TOMM34: variants seen among roughly 807,000 people sequenced by gnomAD.
TOMM34 encodes mitochondrial import receptor subunit TOM34.
A neutral mutation model predicts 37.4 loss-of-function variants in TOMM34; 24 were observed. The observed-to-expected ratio is 0.64, with a 90% CI of 0.46 to 0.90. The LOEUF is 0.90. TOMM34 is among the 40% of genes least tolerant of loss of function. The pLI, the probability that TOMM34 is intolerant of heterozygous loss-of-function variation, is 0.00. For synonymous variants in TOMM34, 154 were observed against 148.9 expected, an observed-to-expected ratio of 1.03 and a Z score of -0.25; for missense variants, 304 against 375.6, an observed-to-expected ratio of 0.81 and a Z score of 1.58.
chr20:44,959,666 G>A (rs2145611703), intron 1 of TOMM34, among the ~76,000 whole-genome samples: 1 of 152,106 alleles, frequency 6.6e-6, no homozygotes, highest in Admixed American at 6.5e-5. Context: ...AAAACCTTGT[G>A]CGCTTGGCTT....
intron 1 of TOMM34, chr20:44,959,155 C>G (rs548531525): frequency 6.6e-6 from 1 of 152,144 alleles, no homozygotes; most frequent in South Asian, 2.1e-4. Context: ...GAGATCGTGT[C>G]TAAAATGTCT....
At chr20:44,954,953 T>G in intron 3 of TOMM34, 115 bp downstream of exon 3, 3 of 1,332,884 alleles carry the variant, frequency 2.3e-6, no homozygotes, top group Admixed American at 2.5e-5. Flanking sequence ...CCATCGGGAG[T>G]TTTTTAAGTG....
intron 5 of TOMM34, among the ~76,000 whole-genome samples, chr20:44,946,449 TAAGCTTTGG>T (rs1347590849): frequency 6.6e-6 from 1 of 152,158 alleles, no homozygotes; most frequent in Non-Finnish European, 1.5e-5. Flanking sequence ...GAAAGGGAAA[TAAGCTTTGG>T]AGTCACAAAG....
At chr20:44,958,111 C>T (rs75302489) in intron 1 of TOMM34, among the ~76,000 whole-genome samples, 5 of 71,174 alleles carry the variant, frequency 7.0e-5, no homozygotes. Context: ...TATATGTATA[C>T]ATGTACATGT....
At chr20:44,948,961 C>T in intron 4 of TOMM34, 84 bp from the exon 5 acceptor site, 1 of 1,500,014 alleles carries the variant, frequency 6.7e-7, no homozygotes, top group African/African-American at 1.4e-5. Flanking sequence ...TCGTCCCTTC[C>T]AAACTGACTA....
At chr20:44,946,960 G>T (rs1426929126) in intron 5 of TOMM34, among the ~76,000 whole-genome samples, 3 of 152,282 alleles carry the variant, frequency 2.0e-5, no homozygotes, top group Middle Eastern at 3.4e-3. Flanking sequence ...ATGAAGAAAA[G>T]ACCAGCCCTA....
At position 44,943,225 on chromosome 20, in the gene TOMM34, A is replaced by G. The variant is rs577934986; in HGVS notation, c.826-12T>C. On this transcript the variant is annotated splice_polypyrimidine_tract_variant and intron_variant, in intron 6 of 6. Transcript: ENST00000372813. ...CTGGATTTATAGTCCTAATAGAAGA[A>G]AAGACAGGAGTGTGGGGGAAGGTTC... The G allele has an allele frequency of 2.7e-5, 43 of 1,613,958 alleles. 1 individual carries two copies. In the South Asian group the frequency reaches 4.0e-4, roughly 15 times the overall value.
intron 4 of TOMM34, among the ~76,000 whole-genome samples, chr20:44,950,103 T>A (rs1334667426): frequency 6.6e-6 from 1 of 152,188 alleles, no homozygotes; most frequent in Non-Finnish European, 1.5e-5. Context: ...TGTGGGTACA[T>A]CTCCCTGTGC....
chr20:44,951,884 T>C lies in TOMM34; in HGVS notation c.499A>G (p.Lys167Glu), dbSNP rs1289891035. 19 of 1,614,012 alleles carry C rather than the reference T, an allele frequency of 1.2e-5. No individual in the cohort carries two copies. Among genetic ancestry groups the C allele is most frequent in the Non-Finnish European group, 1.4e-5 (16 of 1,179,992 alleles). Residue 167 changes from lysine to glutamate, a missense_variant, in exon 4 of 7, where the codon AAA becomes GAA. Coordinates refer to ENST00000372813, the MANE Select transcript of TOMM34 (RefSeq NM_006809.5). ...TTGGATTTGCTTTTAGCCATCTCTT[T>C]GTGGTTCTCCGAAGGCAAGGAATTC... ...RWNSLPSENHKEMAKSKSKET... is the reference protein window; with the variant it reads ...RWNSLPSENHEEMAKSKSKET...
intron 5 of TOMM34, among the ~76,000 whole-genome samples, chr20:44,943,840 G>A (rs1426913575): frequency 1.3e-5 from 2 of 152,128 alleles, no homozygotes; most frequent in African/African-American, 4.8e-5. Flanking sequence ...GTTCGTTCAT[G>A]GGACTCCAGA....
chr20:44,952,033 T>A, intron 3 of TOMM34, 31 bp from the exon 4 acceptor site: 2 of 1,590,998 alleles, frequency 1.3e-6, no homozygotes, highest in Middle Eastern at 1.8e-4. Flanking sequence ...GCAGGGAGGT[T>A]TCCAGCTGGG....
chr20:44,954,048 TG>T (rs2067049311), intron 3 of TOMM34, among the ~76,000 whole-genome samples: 1 of 152,224 alleles, frequency 6.6e-6, no homozygotes, highest in African/African-American at 2.4e-5. Flanking sequence ...TCCTGTGATC[TG>T]TCACACTTGC....
intron 3 of TOMM34, among the ~76,000 whole-genome samples, chr20:44,954,285 G>C (rs1490219975): frequency 1.3e-5 from 2 of 152,100 alleles, no homozygotes; most frequent in Admixed American, 6.5e-5. Flanking sequence ...TTGAGACCGG[G>C]ACCTCTATGA....
In TOMM34 at chr20:44,943,057, A is replaced by T; in HGVS notation, c.*52T>A. On this transcript the variant is annotated 3_prime_UTR_variant, in exon 7 of 7. Transcript: ENST00000372813. Reference sequence around the variant, plus strand: ...GGAGCGGGCACAGAGCAGGTGGCCCATGGCTTCTCTGGGTAAGGTCAGGCA... The same window carrying T: ...GGAGCGGGCACAGAGCAGGTGGCCCTTGGCTTCTCTGGGTAAGGTCAGGCA... The T allele has an allele frequency of 1.1e-5, 17 of 1,590,500 alleles. No individual in the cohort carries two copies. Among genetic ancestry groups the T allele is most frequent in the Non-Finnish European group, 1.3e-5 (15 of 1,159,806 alleles).
rs1198347340 is a variant in TOMM34 at position 44,948,610 on chromosome 20, T to C, written c.698+120A>G. The C allele has an allele frequency of 7.0e-6, 9 of 1,278,762 alleles. No homozygotes were observed. In the African/African-American group the frequency reaches 7.4e-5, roughly 11 times the overall value. The allele number at this position is 1,278,762 out of a possible 1,614,324, so 79.2% of individuals were successfully genotyped here. ...ATGGCTAGCTCACAACGTGGATGCA[T>C]GTTTTCAGCCATAACATACTTGACT... is the stretch of plus-strand genomic sequence containing the variant. On this transcript the variant is annotated intron_variant, in intron 5 of 6. Transcript: ENST00000372813.
intron 5 of TOMM34, among the ~76,000 whole-genome samples, chr20:44,947,121 A>G (rs1393192987): frequency 6.6e-6 from 1 of 152,230 alleles, no homozygotes; most frequent in African/African-American, 2.4e-5. Flanking sequence ...AAGGTAAGCA[A>G]TGTGAAAGAG....
intron 4 of TOMM34, among the ~76,000 whole-genome samples, 161 bp from the exon 5 acceptor site, chr20:44,949,038 A>G (rs1376113011): frequency 6.6e-6 from 1 of 152,150 alleles, no homozygotes; most frequent in African/African-American, 2.4e-5. Flanking sequence ...GACTTCCCCC[A>G]ATTAATAGCT....
intron 5 of TOMM34, among the ~76,000 whole-genome samples, chr20:44,945,542 G>A (rs2066973275): frequency 6.6e-6 from 1 of 152,210 alleles, no homozygotes; most frequent in Non-Finnish European, 1.5e-5. Flanking sequence ...CTACTCTGAG[G>A]CCACCACGCT....
intron 3 of TOMM34, 142 bp from the exon 4 acceptor site, chr20:44,952,144 C>T: frequency 1.1e-6 from 1 of 906,362 alleles, no homozygotes; most frequent in Non-Finnish European, 1.6e-6. Flanking sequence ...CTCTTTAGCT[C>T]CTCCAACACG....
Sources: allele counts gnomAD v4.1 joint callset (sites outside exome capture counted in the v4.1 genomes callset), GRCh38; gene constraint gnomAD v4.1.1; transcripts MANE v1.5; gene names NCBI Gene and HGNC (gene_info 2026-07-23, HGNC 2026-07-21).